Variants in MAST4 observed in about 807,000 individuals in gnomAD.
MAST4 encodes the protein microtubule associated serine/threonine kinase family member 4.
MAST4 carries 89 observed loss-of-function variants against 162.7 expected under a neutral mutation model. That is an observed-to-expected ratio of 0.55 (90% CI 0.46 to 0.65). The LOEUF (loss-of-function observed/expected upper bound fraction) is 0.65, where lower values mean the gene tolerates loss of function less well. Ranked by LOEUF, MAST4 falls within the 30% of genes least tolerant of loss-of-function variation. The pLI is 0.00. For missense variants in MAST4, 3,153 were observed against 3,374.0 expected (o/e 0.93, Z 1.62); for synonymous variants, 1,479 against 1,361.1 (o/e 1.09, Z -1.91).
At chr5:66,977,613 T>C (rs1052087176) in intron 4 of MAST4, among the ~76,000 whole-genome samples, 1 of 152,214 alleles carries the variant, frequency 6.6e-6, no homozygotes, top group African/African-American at 2.4e-5. Context: ...TCCCTCATAA[T>C]AGCTTCTTGG....
chr5:67,095,684 C>G lies in MAST4; in HGVS notation c.912+9C>G. ...CCAGCTCTACGGTCTCTGTAAGTGC[C>G]TGACTTTTTTTTTTTTTTTCTCTTC... On this transcript the variant is annotated intron_variant, in intron 7 of 28. Transcript: ENST00000403625. 6.5e-7 allele frequency: 1 copy of G among 1,548,926 alleles called. No homozygotes were observed. Among genetic ancestry groups the G allele is most frequent in the Non-Finnish European group, 8.7e-7 (1 of 1,150,636 alleles).
chr5:66,719,310 T>TC (rs1751052060), intron 1 of MAST4, among the ~76,000 whole-genome samples: 1 of 152,210 alleles, frequency 6.6e-6, no homozygotes, highest in Non-Finnish European at 1.5e-5. Flanking sequence ...TAGTTTTTTT[T>TC]CCCTTACGAA....
In MAST4 at chr5:66,752,729, A is replaced by T. The variant is rs867175990; in HGVS notation, c.364-6980A>T. On this transcript the variant is annotated intron_variant, in intron 1 of 28. Transcript: ENST00000403625. The stretch of plus-strand genomic sequence containing the variant: ...TAACACCCCACTGTCAACATTAGAC[A>T]GATCAACAAGACAGAAAGTCAACAA... Among the ~76,000 whole-genome samples, 1,285 of 147,888 alleles carry T rather than the reference A, an allele frequency of 8.7e-3. 6 individuals are homozygous for T. The highest frequency in any genetic ancestry group is 0.043 in the South Asian group (195 of 4,500).
intron 3 of MAST4, among the ~76,000 whole-genome samples, chr5:66,885,504 G>A (rs530679792): frequency 1.3e-5 from 2 of 152,296 alleles, no homozygotes; most frequent in African/African-American, 2.4e-5. Context: ...GCTATGGGAT[G>A]CTAAGAACAT....
chr5:66,812,095 G>A (rs572189386), intron 3 of MAST4, among the ~76,000 whole-genome samples: 7 of 152,154 alleles, frequency 4.6e-5, no homozygotes, highest in African/African-American at 7.2e-5. Context: ...CAAGGCTGGC[G>A]CGGGCTAGTT....
intron 4 of MAST4, among the ~76,000 whole-genome samples, chr5:66,967,968 G>GTAA: frequency 6.6e-6 from 1 of 152,130 alleles, no homozygotes; most frequent in African/African-American, 2.4e-5. Context: ...GGTGACATCA[G>GTAA]TGCCTCCTGA....
At chr5:66,837,053 T>TGTGTGTGTGTGTGTGTGTGTGC (rs1758026645) in intron 3 of MAST4, among the ~76,000 whole-genome samples, 1 of 151,938 alleles carries the variant, frequency 6.6e-6, no homozygotes, top group Non-Finnish European at 1.5e-5. Context: ...TGTGTGTGTG[T>TGTGTGTGTGTGTGTGTGTGTGC]ATGTATACTG....
At chr5:66,840,014 G>A (rs780670095) in intron 3 of MAST4, among the ~76,000 whole-genome samples, 1 of 151,772 alleles carries the variant, frequency 6.6e-6, no homozygotes, top group Non-Finnish European at 1.5e-5. Flanking sequence ...GAGAATACAA[G>A]CTTAATTTTA....
chr5:66,744,383 A>G (rs892644419), intron 1 of MAST4, among the ~76,000 whole-genome samples: 1 of 152,220 alleles, frequency 6.6e-6, no homozygotes, highest in African/African-American at 2.4e-5. Context: ...CCCTCTTAAT[A>G]TGAAGTCATG....
chr5:66,918,009 CTT>C (rs778388494), intron 4 of MAST4, among the ~76,000 whole-genome samples: 4 of 151,916 alleles, frequency 2.6e-5, no homozygotes, highest in Non-Finnish European at 4.4e-5. Context: ...GTGGAGATCT[CTT>C]TACCTGATGC....
chr5:66,975,709 T>A (rs1043059928), intron 4 of MAST4, among the ~76,000 whole-genome samples: 3 of 152,022 alleles, frequency 2.0e-5, no homozygotes, highest in African/African-American at 7.2e-5. Context: ...TAAATGCTGT[T>A]TAGGCCGGGC....
intron 3 of MAST4, among the ~76,000 whole-genome samples, chr5:66,882,258 G>A (rs907819361): frequency 7.9e-5 from 12 of 152,062 alleles, no homozygotes; most frequent in African/African-American, 2.9e-4. Flanking sequence ...AGCCTCTAGG[G>A]TATGTGGATT....
intron 4 of MAST4, among the ~76,000 whole-genome samples, chr5:67,034,829 T>C (rs1755807689): frequency 6.6e-6 from 1 of 152,200 alleles, no homozygotes; most frequent in Admixed American, 6.5e-5. Context: ...TAGCTGGTTA[T>C]GTCTAGCACT....
Position 66,850,956 on chromosome 5 carries a change from A to C in MAST4, c.643-48995A>C, listed in dbSNP as rs539575514. Among the ~76,000 whole-genome samples the C allele has an allele frequency of 7.9e-5, 11 of 139,678 alleles. No individual in the cohort carries two copies. The East Asian group carries it at 1.7e-3, about 21-fold the overall frequency. The allele number at this position is 139,678 out of a possible 152,430, so 91.6% of individuals were successfully genotyped here. ...TTTTTTTTTTTTTTTGAAGAAAAAA[A>C]TGCATACATTTGAGAAATGTGTTCT... On this transcript the variant is annotated intron_variant, in intron 3 of 28. Coordinates refer to ENST00000403625, the MANE Select transcript of MAST4 (RefSeq NM_001164664.2).
chr5:67,102,313 A>T (rs1342865607), intron 8 of MAST4, among the ~76,000 whole-genome samples: 1 of 152,070 alleles, frequency 6.6e-6, no homozygotes, highest in Non-Finnish European at 1.5e-5. Context: ...GTGGCATTCC[A>T]CTTCTTGAGC....
intron 5 of MAST4, among the ~76,000 whole-genome samples, chr5:67,063,275 G>C (rs1407487247): frequency 6.6e-6 from 1 of 152,086 alleles, no homozygotes; most frequent in African/African-American, 2.4e-5. Flanking sequence ...ACTGACGTCA[G>C]TCAATGTGTT....
At chr5:66,924,397 T>A (rs1056319571) in intron 4 of MAST4, among the ~76,000 whole-genome samples, 2 of 138,732 alleles carry the variant, frequency 1.4e-5, no homozygotes, top group African/African-American at 5.2e-5. Context: ...TAGAAAATAA[T>A]TTTTTTTTTT....
chr5:66,807,952 G>A (rs936482715), intron 3 of MAST4, among the ~76,000 whole-genome samples: 2 of 152,228 alleles, frequency 1.3e-5, no homozygotes, highest in South Asian at 2.1e-4. Context: ...TGATGGAAAA[G>A]AACAGTTGAC....
intron 2 of MAST4, among the ~76,000 whole-genome samples, chr5:66,760,276 C>T (rs1377293114): frequency 1.3e-5 from 2 of 151,686 alleles, no homozygotes; most frequent in African/African-American, 4.9e-5. Flanking sequence ...CCACCACGCC[C>T]AGCTAATTTT....
Sources: gnomAD v4.1 joint callset for allele counts (sites outside exome capture counted in the v4.1 genomes callset) on GRCh38, gnomAD v4.1.1 for gene constraint, MANE v1.5 for transcripts, NCBI Gene and HGNC (gene_info 2026-07-23, HGNC 2026-07-21) for gene names.